PSD3: variants seen among roughly 807,000 people sequenced by gnomAD.
PSD3 encodes PH and SEC7 domain-containing protein 3.
Under a neutral mutation model 105.5 loss-of-function variants are expected in PSD3, and 49 were observed. That is an observed-to-expected ratio of 0.46 (90% CI 0.37 to 0.59). PSD3 has a LOEUF of 0.59. PSD3 is among the 20% of genes least tolerant of loss of function. The pLI is 0.00. For missense variants in PSD3, 1,561 were observed against 1,263.8 expected (o/e 1.24, Z -3.57); for synonymous variants, 557 against 457.8 (o/e 1.22, Z -2.77).
intron 15 of PSD3, among the ~76,000 whole-genome samples, chr8:18,551,495 G>A (rs991798051): frequency 2.2e-4 from 34 of 152,282 alleles, no homozygotes; most frequent in African/African-American, 6.7e-4. Flanking sequence ...AGAAAAAGGT[G>A]CATCATGCTT....
intron 8 of PSD3, among the ~76,000 whole-genome samples, chr8:18,790,887 A>G (rs1224400638): frequency 6.6e-6 from 1 of 152,188 alleles, no homozygotes; most frequent in African/African-American, 2.4e-5. Flanking sequence ...GTCTCAGGAT[A>G]CAAAGATCAA....
At chr8:18,988,662 T>C (rs1825633936) in intron 1 of PSD3, among the ~76,000 whole-genome samples, 1 of 152,170 alleles carries the variant, frequency 6.6e-6, no homozygotes, top group Non-Finnish European at 1.5e-5. Flanking sequence ...AAGCCATTGT[T>C]CACAAGAACA....
intron 1 of PSD3, among the ~76,000 whole-genome samples, chr8:19,042,458 T>C (rs79878711): frequency 0.033 from 5,091 of 152,252 alleles, 275 homozygotes; most frequent in African/African-American, 0.11. Flanking sequence ...GAAAATGATA[T>C]GTAACAGAAG....
At chr8:19,000,339 G>A (rs1826305318) in intron 1 of PSD3, among the ~76,000 whole-genome samples, 2 of 150,492 alleles carry the variant, frequency 1.3e-5, no homozygotes, top group African/African-American at 4.9e-5. Flanking sequence ...CGAGGCTGCA[G>A]TGAGCTAGAA....
chr8:18,964,910 A>C (rs956211184), intron 1 of PSD3, among the ~76,000 whole-genome samples: 3 of 152,226 alleles, frequency 2.0e-5, no homozygotes, highest in Non-Finnish European at 4.4e-5. Context: ...TTACAGCTCT[A>C]AAATGTTATT....
intron 1 of PSD3, among the ~76,000 whole-genome samples, chr8:18,995,094 T>C (rs905679688): frequency 6.6e-6 from 1 of 152,180 alleles, no homozygotes; most frequent in African/African-American, 2.4e-5. Context: ...GCAAGGGAGC[T>C]GTTTACTGAA....
intron 4 of PSD3, among the ~76,000 whole-genome samples, chr8:18,836,350 TTTAAATAAATCAGA>T (rs1814106625): frequency 6.6e-6 from 1 of 152,228 alleles, no homozygotes; most frequent in Admixed American, 6.5e-5. Context: ...AATCAGTTAT[TTTAAATAAATCAGA>T]TTACCTTTAC....
At chr8:19,026,863 G>C (rs1827571394) in intron 1 of PSD3, among the ~76,000 whole-genome samples, 1 of 151,858 alleles carries the variant, frequency 6.6e-6, no homozygotes, top group African/African-American at 2.4e-5. Flanking sequence ...CACAGAGCAA[G>C]AGCCTGCCCC....
chr8:18,714,414 C>A (rs1322743641), intron 9 of PSD3, among the ~76,000 whole-genome samples: 1 of 147,846 alleles, frequency 6.8e-6, no homozygotes, highest in Non-Finnish European at 1.5e-5. Flanking sequence ...CTACAAGGAA[C>A]TTAAATTTAC....
At chr8:18,655,513 G>GTATTT in intron 10 of PSD3, 129 bp downstream of exon 10, 1 of 867,100 alleles carries the variant, frequency 1.2e-6, no homozygotes, top group South Asian at 1.5e-5. Flanking sequence ...AAGTAGGTAA[G>GTATTT]ACACTTGGTG....
chr8:18,983,189 T>C (rs779856181), intron 1 of PSD3, among the ~76,000 whole-genome samples: 1 of 152,240 alleles, frequency 6.6e-6, no homozygotes, highest in Non-Finnish European at 1.5e-5. Flanking sequence ...CAATTTTTCT[T>C]CTGCAGCTTC....
At chr8:19,003,286 G>C (rs1169186107) in intron 1 of PSD3, among the ~76,000 whole-genome samples, 1 of 151,914 alleles carries the variant, frequency 6.6e-6, no homozygotes, top group Non-Finnish European at 1.5e-5. Flanking sequence ...GAGGAGGATT[G>C]TTTGAGGCCA....
chr8:18,944,258 C>G (rs1822725682), intron 1 of PSD3, among the ~76,000 whole-genome samples: 1 of 152,126 alleles, frequency 6.6e-6, no homozygotes. Flanking sequence ...ACTGAGAAAC[C>G]TTTTTAAGTT....
chr8:18,676,293 A>G (rs955468148), intron 9 of PSD3, among the ~76,000 whole-genome samples: 1 of 152,178 alleles, frequency 6.6e-6, no homozygotes, highest in Admixed American at 6.5e-5. Context: ...AATACAGTCT[A>G]CTCATAAATG....
intron 4 of PSD3, among the ~76,000 whole-genome samples, chr8:18,807,781 A>AT (rs2129448016): frequency 6.6e-6 from 1 of 152,198 alleles, no homozygotes; most frequent in South Asian, 2.1e-4. Context: ...TAAATGCATG[A>AT]TTTTTTCATC....
intron 1 of PSD3, among the ~76,000 whole-genome samples, chr8:19,047,068 G>GGCT (rs1554574337): frequency 6.6e-6 from 1 of 152,106 alleles, no homozygotes; most frequent in Non-Finnish European, 1.5e-5. Context: ...CCTCTCCGGG[G>GGCT]CTCGTTGCCA....
chr8:18,856,452 G>A (rs999883652), intron 4 of PSD3, among the ~76,000 whole-genome samples: 6 of 152,206 alleles, frequency 3.9e-5, no homozygotes, highest in Non-Finnish European at 5.9e-5. Flanking sequence ...CCTAACAGAA[G>A]AGACAGGCCT....
At chr8:18,561,423 T>A (rs148329146) in intron 14 of PSD3, among the ~76,000 whole-genome samples, 2 of 152,058 alleles carry the variant, frequency 1.3e-5, no homozygotes, top group Admixed American at 6.6e-5. Context: ...TCTAAAACAA[T>A]TGAACTCATA....
intron 2 of PSD3, among the ~76,000 whole-genome samples, chr8:18,893,597 A>C (rs376958094): frequency 2.0e-5 from 3 of 150,614 alleles, no homozygotes; most frequent in African/African-American, 7.3e-5. Context: ...GTAGGGATGA[A>C]TGAGGGTATC....
Sources: gnomAD v4.1 joint callset for allele counts (sites outside exome capture counted in the v4.1 genomes callset) on GRCh38, gnomAD v4.1.1 for gene constraint, MANE v1.5 for transcripts, NCBI Gene and HGNC (gene_info 2026-07-23, HGNC 2026-07-21) for gene names.